The following SYNE2 variants were observed in gnomAD, a reference collection of about 807,000 sequenced individuals.
The protein encoded by SYNE2 is spectrin repeat containing nuclear envelope protein 2, also known as nesprin-2.
In SYNE2, 431 loss-of-function variants were observed where a neutral mutation model predicts 856.3. The ratio of observed to expected loss-of-function variants is 0.50; its 90% confidence interval spans 0.47 to 0.55. SYNE2 has a LOEUF of 0.55. Among genes scored for constraint, SYNE2 ranks in the 20% least tolerant of loss-of-function variants. The pLI is 0.00. For missense variants in SYNE2, 8,129 were observed against 8,023.2 expected (o/e 1.01, Z -0.50); for synonymous variants, 2,923 against 2,872.3 (o/e 1.02, Z -0.56).
intron 11 of SYNE2, among the ~76,000 whole-genome samples, chr14:63,974,852 ATG>A (rs1289413090): frequency 0.014 from 1,064 of 77,936 alleles, 50 homozygotes; most frequent in Non-Finnish European, 0.02. Flanking sequence ...GTGTGTGTAC[ATG>A]TGTGTGTGTG....
In SYNE2 at chr14:64,221,495, G is replaced by A. The variant is rs778338686; in HGVS notation, c.20062-81G>A. On this transcript the variant is annotated intron_variant, in intron 111 of 115. Coordinates refer to ENST00000555002, the MANE Select transcript of SYNE2 (RefSeq NM_182914.3). ...GAAAAGCAAATGACTGTGATGGATT[G>A]GAAGCAGTAAGCCATGTTCCTGGCA... 2.6e-5 allele frequency: 42 copies of A among 1,613,498 alleles called. No individual in the cohort carries two copies. The South Asian group carries it at 4.0e-4, about 15-fold the overall frequency.
chr14:63,939,226 G>C (rs998736602), intron 2 of SYNE2, among the ~76,000 whole-genome samples: 2 of 152,140 alleles, frequency 1.3e-5, no homozygotes, highest in African/African-American at 4.8e-5. Context: ...GAAAATCAGG[G>C]GGTAGAGGGC....
At chr14:64,158,827 A>G (rs1481054752) in intron 86 of SYNE2, 32 bp downstream of exon 86, 9 of 1,611,942 alleles carry the variant, frequency 5.6e-6, no homozygotes, top group African/African-American at 4.0e-5. Flanking sequence ...ATGGTGCATT[A>G]TTGGCAGGAA....
At chr14:64,051,097 A>G (rs762161652) in intron 47 of SYNE2, among the ~76,000 whole-genome samples, 20 of 152,150 alleles carry the variant, frequency 1.3e-4, no homozygotes, top group Non-Finnish European at 2.1e-4. Flanking sequence ...TGAGGAAACA[A>G]TTTTAGATTA....
chr14:64,133,158 A>G (rs1020089742), intron 77 of SYNE2, among the ~76,000 whole-genome samples: 1 of 151,804 alleles, frequency 6.6e-6, no homozygotes, highest in Non-Finnish European at 1.5e-5. Flanking sequence ...GTGAGCCTAG[A>G]TTGCACCACT....
intron 1 of SYNE2, among the ~76,000 whole-genome samples, chr14:63,837,918 CAAAAAAAAAAAAAA>C (rs34952817): frequency 3.2e-5 from 2 of 62,194 alleles, no homozygotes; most frequent in Non-Finnish European, 5.5e-5. Context: ...GACTCTGTTT[CAAAAAAAAAAAAAA>C]AAAAAAAAAA....
chr14:63,835,659 T>C (rs988909502), intron 1 of SYNE2, among the ~76,000 whole-genome samples: 1 of 152,140 alleles, frequency 6.6e-6, no homozygotes, highest in African/African-American at 2.4e-5. Flanking sequence ...TGTTTTCTAG[T>C]ACCTCATTTC....
chr14:63,809,019 G>A (rs1473683545), intron 1 of SYNE2, among the ~76,000 whole-genome samples: 1 of 152,168 alleles, frequency 6.6e-6, no homozygotes, highest in African/African-American at 2.4e-5. Context: ...GTGAGACTCT[G>A]TCTCAAAAAT....
At chr14:64,001,718 A>G (rs1430959789) in intron 28 of SYNE2, among the ~76,000 whole-genome samples, 2 of 152,226 alleles carry the variant, frequency 1.3e-5, no homozygotes, top group African/African-American at 2.4e-5. Context: ...TGGATGAACA[A>G]ATAAAAGAAT....
Position 64,162,404 on chromosome 14 carries a change from C to A in SYNE2, c.16299+128C>A. ...AGTCAGGACAGGTGCTGTGAACTTG[C>A]CATGTAGGACATAGGCAAGGCTGGG... On this transcript the variant is annotated intron_variant, in intron 88 of 115. Coordinates refer to ENST00000555002, the MANE Select transcript of SYNE2 (RefSeq NM_182914.3). 3.0e-6 allele frequency: 3 copies of A among 993,340 alleles called. No homozygotes were observed. In the South Asian group the frequency reaches 4.0e-5, roughly 13 times the overall value. The allele number at this position is 993,340 out of a possible 1,614,324, so 61.5% of individuals were successfully genotyped here. A position where few individuals can be genotyped will look rare whatever the true frequency, so the allele number is the denominator to read the frequency against.
At chr14:64,126,834 T>A (rs976564053) in intron 73 of SYNE2, 27 bp downstream of exon 73, 1 of 1,604,390 alleles carries the variant, frequency 6.2e-7, no homozygotes, top group Non-Finnish European at 8.5e-7. Context: ...ACAGCCTATT[T>A]TGGCACTGTT....
chr14:63,844,381 A>T (rs1386619871), intron 1 of SYNE2, among the ~76,000 whole-genome samples: 1 of 152,164 alleles, frequency 6.6e-6, no homozygotes, highest in African/African-American at 2.4e-5. Context: ...ATAATATTCA[A>T]TTGTCTGGGT....
chr14:63,791,555 A>G (rs1003327676), intron 1 of SYNE2, among the ~76,000 whole-genome samples: 6 of 152,206 alleles, frequency 3.9e-5, no homozygotes, highest in African/African-American at 9.6e-5. Flanking sequence ...CAAATTTGCT[A>G]TATTTTTACC....
chr14:63,893,005 A>G (rs1003541970), intron 1 of SYNE2, among the ~76,000 whole-genome samples: 1 of 152,228 alleles, frequency 6.6e-6, no homozygotes, highest in Non-Finnish European at 1.5e-5. Flanking sequence ...CAAAGGCCAG[A>G]GAAAAACAAA....
At chr14:64,001,804 G>A in intron 28 of SYNE2, 130 bp from the exon 29 acceptor site, 1 of 994,696 alleles carries the variant, frequency 1.0e-6, no homozygotes, top group African/African-American at 1.6e-5. Context: ...TAATGTGTAT[G>A]TATATATCAT....
In SYNE2 at chr14:63,954,869, A is replaced by T; in HGVS notation, c.741A>T (p.Arg247Ser). ...AAGACAATCTGAGAGAGGCCTTCAG[A>T]ATTGCAGAACAAGAATTAAAAATCC... ...SNKDNLREAF[R>S]IAEQELKIPR... The change falls in exon 8 of 116, where the codon AGA (arginine) becomes AGT (serine). Residue 247 changes from arginine to serine, a missense_variant. By Grantham distance (110) the Arg-to-Ser change is moderately radical. Around this residue, in one of 3 missense-constraint regions of SYNE2, gnomAD observed 2,422 missense variants for 2,357.4 expected, o/e 1.03. Coordinates refer to ENST00000555002, the MANE Select transcript of SYNE2 (RefSeq NM_182914.3). The T allele has an allele frequency of 6.2e-7, 1 of 1,613,940 alleles. No homozygotes were observed. Among genetic ancestry groups the T allele is most frequent in the Non-Finnish European group, 8.5e-7 (1 of 1,179,960 alleles).
At chr14:63,768,981 T>C (rs1293379322) in intron 1 of SYNE2, among the ~76,000 whole-genome samples, 1 of 151,990 alleles carries the variant, frequency 6.6e-6, no homozygotes, top group African/African-American at 2.4e-5. Flanking sequence ...CCAATAAGAT[T>C]AGAAGAGGAC....
At chr14:64,129,503 A>C (rs779416787) in intron 74 of SYNE2, among the ~76,000 whole-genome samples, 6 of 152,202 alleles carry the variant, frequency 3.9e-5, no homozygotes, top group Non-Finnish European at 8.8e-5. Flanking sequence ...GAGATGCTGA[A>C]GAGCTGGTGA....
At chr14:63,894,601 G>A (rs144803175) in intron 1 of SYNE2, among the ~76,000 whole-genome samples, 1 of 152,166 alleles carries the variant, frequency 6.6e-6, no homozygotes, top group East Asian at 1.9e-4. Flanking sequence ...TGCAGAGCCT[G>A]GACTGCTGTT....
Sources: gnomAD v4.1 joint callset for allele counts (sites outside exome capture counted in the v4.1 genomes callset) on GRCh38, gnomAD v4.1.1 for gene constraint, gnomAD v4.1.1 regional missense constraint, MANE v1.5 for transcripts, NCBI Gene and HGNC (gene_info 2026-07-23, HGNC 2026-07-21) for gene names.